XRRA1: variants seen among roughly 807,000 people sequenced by gnomAD.
XRRA1 encodes X-ray radiation resistance-associated protein 1.
In XRRA1, 69 loss-of-function variants were observed where a neutral mutation model predicts 80.2. The ratio of observed to expected loss-of-function variants is 0.86; its 90% CI spans 0.71 to 1.05. The LOEUF is 1.05. XRRA1 is among the 50% of genes least tolerant of loss of function. The pLI, the probability that XRRA1 is intolerant of heterozygous loss-of-function variation, is 0.00. For missense variants in XRRA1, 967 were observed against 976.4 expected (o/e 0.99, Z 0.13); for synonymous variants, 348 against 389.9 (o/e 0.89, Z 1.27).
intron 2 of XRRA1, among the ~76,000 whole-genome samples, chr11:74,944,334 C>T (rs533414865): frequency 1.1e-4 from 17 of 152,284 alleles, no homozygotes; most frequent in African/African-American, 3.9e-4. Flanking sequence ...AGGACCAAGA[C>T]ATATATATCT....
At chr11:74,859,054 T>C in intron 12 of XRRA1, 104 bp downstream of exon 12, 2 of 1,401,938 alleles carry the variant, frequency 1.4e-6, no homozygotes, top group Non-Finnish European at 1.9e-6. Context: ...CATGTACCTG[T>C]AATGCAGGGA....
chr11:74,881,337 T>C (rs1376411055), intron 10 of XRRA1, among the ~76,000 whole-genome samples: 3 of 151,644 alleles, frequency 2.0e-5, no homozygotes, highest in African/African-American at 7.3e-5. Context: ...TCCATCCTTT[T>C]ATTTTGAGCC....
rs1235848556 is a variant in XRRA1, at chr11:74,918,619, G to A, written c.656+2595C>T. The stretch of plus-strand genomic sequence containing the variant: ...CTATTGGGGTTCCAAGGGTTGAATG[G>A]TGCCAGTTATCTGCCTATTTGCTCT... On this transcript the variant is annotated intron_variant, in intron 8 of 18. Coordinates refer to ENST00000684022, the MANE Select transcript of XRRA1 (RefSeq NM_001378157.1). Among the ~76,000 whole-genome samples, 6 of 152,192 alleles carry A rather than the reference G, an allele frequency of 3.9e-5. No individual in the cohort carries two copies. The South Asian group carries it at 1.0e-3, about 26-fold the overall frequency.
chr11:74,878,962 C>T (rs913327497), intron 10 of XRRA1, among the ~76,000 whole-genome samples: 1 of 150,950 alleles, frequency 6.6e-6, no homozygotes. Flanking sequence ...TTTTTGGTTC[C>T]ATATGAACTT....
At chr11:74,877,453 CTTTT>C (rs551018786) in intron 10 of XRRA1, among the ~76,000 whole-genome samples, 20 of 151,294 alleles carry the variant, frequency 1.3e-4, no homozygotes, top group Non-Finnish European at 2.4e-4. Context: ...TAATGGGATT[CTTTT>C]TTTTTATTTT....
chr11:74,894,537 A>T (rs530244520), intron 10 of XRRA1, among the ~76,000 whole-genome samples: 2 of 152,212 alleles, frequency 1.3e-5, no homozygotes, highest in Non-Finnish European at 1.5e-5. Flanking sequence ...AGGGGGAGGC[A>T]GGCACCTTCT....
intron 3 of XRRA1, among the ~76,000 whole-genome samples, chr11:74,937,280 T>A (rs1438560800): frequency 6.6e-6 from 1 of 152,174 alleles, no homozygotes; most frequent in African/African-American, 2.4e-5. Flanking sequence ...GTCACTGTCA[T>A]GATTTTATAC....
At chr11:74,932,194 G>A (rs1460706426) in intron 5 of XRRA1, among the ~76,000 whole-genome samples, 4 of 152,056 alleles carry the variant, frequency 2.6e-5, no homozygotes, top group African/African-American at 4.8e-5. Context: ...ACCTTTGTTT[G>A]TGGTAACTTT....
At chr11:74,919,432 C>T (rs1486622640) in intron 8 of XRRA1, 2 of 192,096 alleles carry the variant, frequency 1.0e-5, no homozygotes, top group East Asian at 1.6e-4. Context: ...TACCAATTAC[C>T]TCTCCCTGCC....
Position 74,851,990 on chromosome 11 carries a change from T to C in XRRA1, c.1263A>G (p.Arg421=). The C allele has an allele frequency of 1.2e-6, 2 of 1,613,676 alleles. No individual in the cohort carries two copies. Among genetic ancestry groups the C allele is most frequent in the Non-Finnish European group, 1.7e-6 (2 of 1,179,698 alleles). ...FHNNPLVAHT[R]GVPPLLKSFL... Reference sequence around the variant, plus strand: ...GGGGCAGGTTTGCGGGCACTATACCTCGTGTATGGGCCACCAGAGGGTTGT... The same window carrying C: ...GGGGCAGGTTTGCGGGCACTATACCCCGTGTATGGGCCACCAGAGGGTTGT... Residue 421 remains arginine, a splice_region_variant and synonymous_variant, in exon 13 of 19, where the codon CGA becomes CGG. Coordinates refer to ENST00000684022, the MANE Select transcript of XRRA1 (RefSeq NM_001378157.1).
Position 74,841,055 on chromosome 11 carries a change from G to A in XRRA1, c.*2145C>T, listed in dbSNP as rs888122846. On this transcript the variant is annotated 3_prime_UTR_variant, in exon 19 of 19. Coordinates refer to ENST00000684022, the MANE Select transcript of XRRA1 (RefSeq NM_001378157.1). ...GAGAAAGTCTCCATAGTATAAGTAA[G>A]TAATATGAATGTGGAATCTTGGAAA... is the stretch of plus-strand genomic sequence containing the variant. The A allele has an allele frequency of 6.6e-6, 1 of 152,014 alleles. No individual in the cohort carries two copies. Among genetic ancestry groups the A allele is most frequent in the African/African-American group, 2.4e-5 (1 of 41,378 alleles). 9.4% of individuals were successfully genotyped at this position (152,014 alleles called of 1,614,324 possible). A position where few individuals can be genotyped will look rare whatever the true frequency, so the allele number is the denominator to read the frequency against.
Position 74,948,414 on chromosome 11 carries a change from A to C in XRRA1, c.-73+514T>G, listed in dbSNP as rs1291858517. 3.3e-5 allele frequency among the ~76,000 whole-genome samples: 5 copies of C among 152,272 alleles called. No individual in the cohort carries two copies. In the East Asian group the frequency reaches 9.6e-4, roughly 29 times the overall value. On this transcript the variant is annotated intron_variant, in intron 1 of 18. Coordinates refer to ENST00000684022, the MANE Select transcript of XRRA1 (RefSeq NM_001378157.1). ...TAACTCTGTCATGGAGTAGTAGTCCACCAGAGTAGCAACCAGGTCTATCTT... is the reference window on the plus strand; with the variant it reads ...TAACTCTGTCATGGAGTAGTAGTCCCCCAGAGTAGCAACCAGGTCTATCTT...
intron 15 of XRRA1, among the ~76,000 whole-genome samples, chr11:74,847,648 G>A (rs1431984358): frequency 6.6e-6 from 1 of 152,088 alleles, no homozygotes; most frequent in African/African-American, 2.4e-5. Flanking sequence ...CAGACTCCCA[G>A]CCTCTGGGAT....
chr11:74,844,171 T>C lies in XRRA1; in HGVS notation c.2040A>G (p.Lys680=), dbSNP rs375631338. The C allele has an allele frequency of 2.0e-4, 326 of 1,613,430 alleles. No homozygotes were observed. The highest frequency in any genetic ancestry group is 2.0e-4 in the Non-Finnish European group (235 of 1,179,420). ...ATTCAGTGAGCTGGATGTTTACCCG[T>C]TTCTCTTTGTGAACATAGGGTTTCT... ...TLQKPYVHKE[K]RAQRIPIPPP... Residue 680 remains lysine (K), a synonymous_variant, in exon 17 of 19, where the codon AAA becomes AAG. Transcript: ENST00000684022.
chr11:74,933,734 C>T, intron 5 of XRRA1, 67 bp downstream of exon 5: 1 of 1,475,368 alleles, frequency 6.8e-7, no homozygotes, highest in Non-Finnish European at 9.3e-7. Context: ...AGAGACAAAC[C>T]ACAACAGCCA....
intron 10 of XRRA1, among the ~76,000 whole-genome samples, chr11:74,899,849 T>C (rs971287100): frequency 2.0e-5 from 3 of 152,070 alleles, no homozygotes; most frequent in African/African-American, 7.2e-5. Flanking sequence ...CCAATCCTAT[T>C]CAAACTGTTC....
chr11:74,843,664 T>A, intron 18 of XRRA1, 190 bp downstream of exon 18: 1 of 817,466 alleles, frequency 1.2e-6, no homozygotes, highest in Non-Finnish European at 1.9e-6. Context: ...TTCAGGACCT[T>A]AACATGCTGT....
At chr11:74,854,855 T>TG (rs1555020069) in intron 12 of XRRA1, among the ~76,000 whole-genome samples, 13 of 148,078 alleles carry the variant, frequency 8.8e-5, no homozygotes, top group African/African-American at 3.2e-4. Flanking sequence ...CCGTCTCTAC[T>TG]AAAAAAAAAA....
At chr11:74,858,545 T>A (rs1176044216) in intron 12 of XRRA1, among the ~76,000 whole-genome samples, 1 of 152,198 alleles carries the variant, frequency 6.6e-6, no homozygotes, top group East Asian at 1.9e-4. Flanking sequence ...TAGGGCTCAG[T>A]TAGTGGGATT....
Sources: allele counts gnomAD v4.1 joint callset (sites outside exome capture counted in the v4.1 genomes callset), GRCh38; gene constraint gnomAD v4.1.1; transcripts MANE v1.5; gene names NCBI Gene and HGNC (gene_info 2026-07-23, HGNC 2026-07-21).